ST18: variants seen among roughly 807,000 people sequenced by gnomAD.
ST18 encodes ST18 C2H2C-type zinc finger transcription factor.
A neutral mutation model predicts 110.0 loss-of-function variants in ST18; 50 were observed. The ratio of observed to expected loss-of-function variants is 0.45; its 90% CI spans 0.36 to 0.58. The LOEUF (loss-of-function observed/expected upper bound fraction) is 0.58. ST18 is among the 20% of genes least tolerant of loss of function. ST18 has a pLI of 0.00. For synonymous variants in ST18, 461 were observed against 452.4 expected, an observed-to-expected ratio of 1.02 and a Z score of -0.24; for missense variants, 1,306 against 1,280.1, an observed-to-expected ratio of 1.02 and a Z score of -0.31.
At position 52,122,472 on chromosome 8, in the gene ST18, A is replaced by ATTAT. The variant is rs572146466; in HGVS notation, c.2755+3576_2755+3579dup. On this transcript the variant is annotated intron_variant, in intron 23 of 25. Transcript: ENST00000689386. ...TATTATATTTCTTGAGTGAACTTCT[A>ATTAT]TTATTTATTTATTTATTTATTTATT... Among the ~76,000 whole-genome samples, 1,334 of 151,664 alleles carry ATTAT rather than the reference A, an allele frequency of 8.8e-3. 16 individuals carry two copies. The highest frequency in any genetic ancestry group is 0.028 in the African/African-American group (1,176 of 41,378).
chr8:52,183,787 G>T lies in ST18; in HGVS notation c.87-3475C>A, dbSNP rs546691111. Among the ~76,000 whole-genome samples, 7 of 152,168 alleles carry T rather than the reference G, an allele frequency of 4.6e-5. No homozygotes were observed. In the South Asian group the frequency reaches 1.5e-3, roughly 32 times the overall value. On this transcript the variant is annotated intron_variant, in intron 8 of 25. Transcript: ENST00000689386. ...TCCCTGGCACGCTACAGAGATTTACGCAATGCATGTATGTCCATAAAGGCA... is the reference window on the plus strand; with the variant it reads ...TCCCTGGCACGCTACAGAGATTTACTCAATGCATGTATGTCCATAAAGGCA...
At chr8:52,136,348 A>G (rs374938861) in intron 19 of ST18, among the ~76,000 whole-genome samples, 1 of 152,262 alleles carries the variant, frequency 6.6e-6, no homozygotes, top group Admixed American at 6.5e-5. Context: ...GTTAACTATT[A>G]CATCACACTT....
chr8:52,379,529 T>C (rs147322509), intron 2 of ST18, among the ~76,000 whole-genome samples: 19 of 152,174 alleles, frequency 1.2e-4, no homozygotes, highest in African/African-American at 4.6e-4. Context: ...TTTTTCAACA[T>C]ATATATTACA....
chr8:52,166,364 G>T (rs995131895), intron 11 of ST18, among the ~76,000 whole-genome samples: 1 of 152,132 alleles, frequency 6.6e-6, no homozygotes, highest in East Asian at 1.9e-4. Context: ...TTTACTGGGC[G>T]CTCACCCTCT....
At chr8:52,237,387 T>C (rs1023236901) in intron 2 of ST18, among the ~76,000 whole-genome samples, 3 of 152,250 alleles carry the variant, frequency 2.0e-5, no homozygotes, top group Non-Finnish European at 4.4e-5. Context: ...CTAGATACTA[T>C]TATAAATGCT....
At chr8:52,247,793 C>A (rs1050761823) in intron 2 of ST18, among the ~76,000 whole-genome samples, 16 of 152,132 alleles carry the variant, frequency 1.1e-4, no homozygotes, top group Admixed American at 4.6e-4. Flanking sequence ...ACATGAAAGG[C>A]ATAATGATGA....
chr8:52,327,631 C>T (rs531623434), intron 2 of ST18, among the ~76,000 whole-genome samples: 1 of 152,282 alleles, frequency 6.6e-6, no homozygotes, highest in East Asian at 1.9e-4. Context: ...AGACACGGTG[C>T]CATTATAATC....
chr8:52,135,759 T>A (rs896775688), intron 19 of ST18, among the ~76,000 whole-genome samples: 1 of 152,020 alleles, frequency 6.6e-6, no homozygotes, highest in African/African-American at 2.4e-5. Context: ...TTAAACAGCT[T>A]AAAAAAGTGA....
intron 2 of ST18, among the ~76,000 whole-genome samples, chr8:52,314,881 C>G (rs1461719843): frequency 2.6e-5 from 4 of 152,166 alleles, no homozygotes; most frequent in Non-Finnish European, 4.4e-5. Context: ...ACACAGCCAG[C>G]CAGCCTCGAT....
intron 2 of ST18, among the ~76,000 whole-genome samples, chr8:52,357,723 A>ATATATATT (rs1823729078): frequency 4.5e-4 from 35 of 78,050 alleles, no homozygotes; most frequent in African/African-American, 3.3e-3. Flanking sequence ...ATATATATAT[A>ATATATATT]TATATATAAA....
At position 52,301,468 on chromosome 8, in the gene ST18, A is replaced by G. The variant is rs574030831; in HGVS notation, c.-464-71391T>C. Among the ~76,000 whole-genome samples the G allele has an allele frequency of 3.7e-4, 57 of 152,320 alleles. 2 individuals are homozygous for G. The South Asian group carries it at 0.011, about 29-fold the overall frequency. On this transcript the variant is annotated intron_variant, in intron 2 of 25. Coordinates refer to ENST00000689386, the MANE Select transcript of ST18 (RefSeq NM_001352837.2). ...TTACTAAGTCACAGAGGAAAAGCAAACTATCATCTCAATATATGTCAAAAA... is the reference window on the plus strand; with the variant it reads ...TTACTAAGTCACAGAGGAAAAGCAAGCTATCATCTCAATATATGTCAAAAA...
At chr8:52,167,224 G>A (rs1296764862) in intron 10 of ST18, among the ~76,000 whole-genome samples, 2 of 152,162 alleles carry the variant, frequency 1.3e-5, no homozygotes, top group African/African-American at 4.8e-5. Context: ...TTAAAATACA[G>A]AGATGGTTTT....
At chr8:52,144,804 G>A (rs887264942) in intron 16 of ST18, among the ~76,000 whole-genome samples, 2 of 152,060 alleles carry the variant, frequency 1.3e-5, no homozygotes, top group Non-Finnish European at 2.9e-5. Context: ...GGGATCCACA[G>A]CAAAATAGAT....
intron 19 of ST18, among the ~76,000 whole-genome samples, chr8:52,133,590 CA>C (rs2050684611): frequency 2.6e-5 from 4 of 151,506 alleles, no homozygotes; most frequent in African/African-American, 9.7e-5. Flanking sequence ...GTTTATTGTA[CA>C]TTCTTTTTTT....
chr8:52,352,840 CCAGG>C (rs1821016356), intron 2 of ST18, among the ~76,000 whole-genome samples: 1 of 152,154 alleles, frequency 6.6e-6, no homozygotes, highest in Admixed American at 6.5e-5. Flanking sequence ...CACCTATATA[CCAGG>C]CAGTATGTAT....
At chr8:52,209,991 T>C in intron 8 of ST18, 1 of 451,428 alleles carries the variant, frequency 2.2e-6, no homozygotes, top group South Asian at 1.6e-5. Context: ...TCCTTAAAGA[T>C]TCTCTTGAGT....
At chr8:52,167,046 T>A (rs1344639667) in intron 10 of ST18, 60 bp from the exon 11 acceptor site, 1 of 1,553,662 alleles carries the variant, frequency 6.4e-7, no homozygotes, top group Non-Finnish European at 8.8e-7. Context: ...TCCCATTCAA[T>A]AGAATGGCCT....
intron 22 of ST18, among the ~76,000 whole-genome samples, chr8:52,128,623 T>C (rs1214187841): frequency 6.6e-6 from 1 of 152,152 alleles, no homozygotes; most frequent in East Asian, 1.9e-4. Flanking sequence ...TCCTACAAAG[T>C]GTGTTTTGTA....
At chr8:52,383,840 C>T (rs1191359102) in intron 2 of ST18, among the ~76,000 whole-genome samples, 1 of 152,140 alleles carries the variant, frequency 6.6e-6, no homozygotes, top group East Asian at 1.9e-4. Context: ...CCTCAAACCC[C>T]TGGCTCATAG....
Sources: gnomAD v4.1 joint callset for allele counts (sites outside exome capture counted in the v4.1 genomes callset) on GRCh38, gnomAD v4.1.1 for gene constraint, MANE v1.5 for transcripts, NCBI Gene and HGNC (gene_info 2026-07-23, HGNC 2026-07-21) for gene names.